The following ZAN variants were observed in gnomAD, a reference collection of about 807,000 sequenced individuals.
ZAN encodes zonadhesin (gene/pseudogene).
In ZAN, 260 loss-of-function variants were observed where a neutral mutation model predicts 286.2. That is an observed-to-expected ratio of 0.91 (90% CI 0.82 to 1.01). The LOEUF (loss-of-function observed/expected upper bound fraction) is 1.01. Among genes scored for constraint, ZAN ranks in the 50% least tolerant of loss-of-function variants. The pLI is 0.00. For synonymous variants in ZAN, 1,368 were observed against 1,417.5 expected, an observed-to-expected ratio of 0.97 and a Z score of 0.79; for missense variants, 3,410 against 3,639.2, an observed-to-expected ratio of 0.94 and a Z score of 1.62.
chr7:100,738,552 G>C lies in ZAN; in HGVS notation c.705G>C (p.Gln235His). The change falls in exon 7 of 48, where the codon CAG becomes CAC. Residue 235 changes from glutamine (Q) to histidine (H), a missense_variant. Physicochemically the swap from Gln to His is conservative, Grantham distance 24 (BLOSUM62 0). Transcript: ENST00000613979. ...IPTASGAKWTQKKGSSGKPGV... is the reference protein window; with the variant it reads ...IPTASGAKWTHKKGSSGKPGV... Reference sequence around the variant, plus strand: ...CTGCCTCCGGGGCCAAGTGGACTCAGAAGAAAGGGTCATCAGGAAAGCCAG... The same window carrying C: ...CTGCCTCCGGGGCCAAGTGGACTCACAAGAAAGGGTCATCAGGAAAGCCAG... 2.0e-6 allele frequency: 3 copies of C among 1,514,862 alleles called. No homozygotes were observed. The highest frequency in any genetic ancestry group is 2.7e-6 in the Non-Finnish European group (3 of 1,103,432). The allele number at this position is 1,514,862 out of a possible 1,614,324, so 93.8% of individuals were successfully genotyped here.
At chr7:100,745,341 C>T (rs534759707) in intron 7 of ZAN, among the ~76,000 whole-genome samples, 2 of 151,814 alleles carry the variant, frequency 1.3e-5, no homozygotes, top group East Asian at 1.9e-4. Context: ...GGAGTGAGCG[C>T]GCGCCAGGCA....
intron 28 of ZAN, 72 bp from the exon 29 acceptor site, chr7:100,771,772 C>T: frequency 6.7e-7 from 1 of 1,494,132 alleles, no homozygotes; most frequent in Non-Finnish European, 9.1e-7. Flanking sequence ...TCGAATCAGC[C>T]CCAGGGAAGC....
chr7:100,767,763 C>A, intron 25 of ZAN, 68 bp from the exon 26 acceptor site: 1 of 1,528,284 alleles, frequency 6.5e-7, no homozygotes, highest in Non-Finnish European at 8.8e-7. Context: ...CAGGCATGAG[C>A]CCCCGTCCTT....
rs763332345 is a variant in ZAN, at chr7:100,751,835, C to G, written c.1730C>G (p.Pro577Arg). ...AAACCTACAGTTTCCATAGAAAAAC[C>G]CAGTGTCACCACAGAAAAGCCCACA... is the stretch of plus-strand genomic sequence containing the variant. Reference protein sequence around the residue: ...TKKPTVSIEKPSVTTEKPTVP... With the variant: ...TKKPTVSIEKRSVTTEKPTVP... Residue 577 changes from proline (P) to arginine (R), a missense_variant, in exon 14 of 48, where the codon CCC becomes CGC. Physicochemically the swap from Pro to Arg is moderately radical, Grantham distance 103. Around this residue, in one of 7 missense-constraint regions of ZAN, gnomAD observed 872 missense variants for 938.9 expected, o/e 0.93. Transcript: ENST00000613979. The G allele has an allele frequency of 1.2e-5, 19 of 1,613,686 alleles. No individual in the cohort carries two copies. The highest frequency in any genetic ancestry group is 1.5e-5 in the Non-Finnish European group (18 of 1,179,828).
chr7:100,747,637 T>C lies in ZAN; in HGVS notation c.1019T>C (p.Ile340Thr), dbSNP rs967928016. ...GTCAATTACACAGCCGTGGGACGGATACAGGTACAGAGAAGCAAGGGGTCA... is the reference window on the plus strand; with the variant it reads ...GTCAATTACACAGCCGTGGGACGGACACAGGTACAGAGAAGCAAGGGGTCA... ...VSVNYTAVGR[I>T]QFAVVGVFGK... Residue 340 changes from isoleucine to threonine, a missense_variant, in exon 9 of 48, where the codon ATA becomes ACA. By Grantham distance (89) the Ile-to-Thr change is moderately conservative. Transcript: ENST00000613979. The C allele has an allele frequency of 3.7e-6, 6 of 1,613,630 alleles. No homozygotes were observed. The highest frequency in any genetic ancestry group is 2.7e-5 in the African/African-American group (2 of 74,992).
intron 6 of ZAN, among the ~76,000 whole-genome samples, chr7:100,738,149 G>T (rs1807444164): frequency 7.2e-6 from 1 of 139,554 alleles, no homozygotes; most frequent in Admixed American, 7.2e-5. Flanking sequence ...TAGAGCCGGG[G>T]TTTCATTGTG....
Position 100,763,978 on chromosome 7 carries a change from G to A in ZAN, c.4098-49G>A. On this transcript the variant is annotated intron_variant, in intron 21 of 47. Transcript: ENST00000613979. This position sits in a 1 kb window ranked among gnomAD's most constrained non-coding sequence, Gnocchi z 4.6. ...TGCTTGGCACCTGGGCTCCTCCAAG[G>A]CTCTACCCCCTTCCACTGCATTCCC... 1 of 1,613,708 alleles carries A rather than the reference G, an allele frequency of 6.2e-7. No individual in the cohort carries two copies. Among genetic ancestry groups the A allele is most frequent in the Non-Finnish European group, 8.5e-7 (1 of 1,179,752 alleles).
chr7:100,749,597 G>A lies in ZAN; in HGVS notation c.1250-1028G>A, dbSNP rs558326368. On this transcript the variant is annotated intron_variant, in intron 11 of 47. Coordinates refer to ENST00000613979, the MANE Select transcript of ZAN (RefSeq NM_003386.3). ...AGAGCTTGCAGTGAGCCGAGATCACGCCATTGTACTCCAGCCTGGGTGACA... is the reference window on the plus strand; with the variant it reads ...AGAGCTTGCAGTGAGCCGAGATCACACCATTGTACTCCAGCCTGGGTGACA... Among the ~76,000 whole-genome samples, 68 of 143,814 alleles carry A rather than the reference G, an allele frequency of 4.7e-4. 1 individual carries two copies. The South Asian group carries it at 0.012, about 26-fold the overall frequency. 94.3% of individuals were successfully genotyped at this position (143,814 alleles called of 152,430 possible).
rs772150529 is a variant in ZAN, at chr7:100,777,304, C to T, written c.6317+740C>T. On this transcript the variant is annotated intron_variant, in intron 34 of 47. Coordinates refer to ENST00000613979, the MANE Select transcript of ZAN (RefSeq NM_003386.3). ...AGGCAATGTGGCCGCCTTGGCCTCC[C>T]GAAGTGCTGGGTAATCATGAGCGAC... Among the ~76,000 whole-genome samples, 122 of 152,116 alleles carry T rather than the reference C, an allele frequency of 8.0e-4. 1 individual carries two copies. The highest frequency in any genetic ancestry group is 2.9e-3 in the South Asian group (14 of 4,824).
In ZAN at chr7:100,758,577, C is replaced by T. The variant is rs1809323340; in HGVS notation, c.3498C>T (p.Thr1166=). 1 of 1,566,454 alleles carries T rather than the reference C, an allele frequency of 6.4e-7. No homozygotes were observed. Residue 1166 remains threonine (T), a synonymous_variant, in exon 17 of 48, where the codon ACC becomes ACT. Coordinates refer to ENST00000613979, the MANE Select transcript of ZAN (RefSeq NM_003386.3). The part of the protein sequence containing the change: ...CLVYGDPHYV[T]FDGRHFGFMG... Reference sequence around the variant, plus strand: ...TCTACGGAGACCCTCATTATGTCACCTTTGACGGGAGGCACTTTGGCTTCA... The same window carrying T: ...TCTACGGAGACCCTCATTATGTCACTTTTGACGGGAGGCACTTTGGCTTCA...
intron 23 of ZAN, 21 bp from the exon 24 acceptor site, chr7:100,766,504 C>T (rs1809981103): frequency 6.5e-7 from 1 of 1,539,852 alleles, no homozygotes; most frequent in East Asian, 2.5e-5. Context: ...CTTTCTCTTC[C>T]TTCCCTGCTG....
intron 19 of ZAN, among the ~76,000 whole-genome samples, chr7:100,761,353 A>G (rs1259783656): frequency 3.3e-5 from 5 of 152,018 alleles, no homozygotes; most frequent in African/African-American, 1.2e-4. Flanking sequence ...AAAAATTTAA[A>G]TATTAGCCAG....
intron 36 of ZAN, among the ~76,000 whole-genome samples, chr7:100,785,750 C>T (rs1159878019): frequency 1.3e-5 from 2 of 151,890 alleles, no homozygotes. Flanking sequence ...CCTCTGCCTC[C>T]TGGGTTCAAG....
chr7:100,782,523 G>C (rs1162798348), intron 35 of ZAN, among the ~76,000 whole-genome samples: 1 of 152,078 alleles, frequency 6.6e-6, no homozygotes, highest in Non-Finnish European at 1.5e-5. Context: ...TAGAGATGGG[G>C]TTTCACCATG....
intron 17 of ZAN, among the ~76,000 whole-genome samples, chr7:100,759,406 G>A (rs749930378): frequency 3.9e-5 from 6 of 151,906 alleles, no homozygotes; most frequent in Non-Finnish European, 7.4e-5. Flanking sequence ...ATCTTGTCTC[G>A]AAAAATAAAT....
At chr7:100,791,835 C>G (rs1184803593) in intron 40 of ZAN, 131 bp from the exon 41 acceptor site, 3 of 1,126,380 alleles carry the variant, frequency 2.7e-6, no homozygotes, top group East Asian at 5.3e-5. Flanking sequence ...TCAAGTCATC[C>G]TCCTGCCTCA....
intron 36 of ZAN, 72 bp downstream of exon 36, chr7:100,784,906 C>T (rs1231011069): frequency 1.4e-6 from 2 of 1,443,292 alleles, no homozygotes; most frequent in Middle Eastern, 3.6e-4. Context: ...TTCTCTGCCT[C>T]TCTCAGCCTG....
chr7:100,791,383 CCTCCTCCTT>C (rs1562958077), intron 40 of ZAN, among the ~76,000 whole-genome samples: 1 of 151,912 alleles, frequency 6.6e-6, no homozygotes, highest in Non-Finnish European at 1.5e-5. Context: ...TCCTCCTCTT[CCTCCTCCTT>C]CTCCTCCTCC....
At chr7:100,782,549 T>G (rs181821133) in intron 35 of ZAN, among the ~76,000 whole-genome samples, 268 of 152,290 alleles carry the variant, frequency 1.8e-3, no homozygotes, top group African/African-American at 6.1e-3. Context: ...CAGGCTGGTC[T>G]CAAACTCCTG....
Sources: gnomAD v4.1 joint callset for allele counts (sites outside exome capture counted in the v4.1 genomes callset) on GRCh38, gnomAD v4.1.1 for gene constraint, gnomAD v4.1.1 regional missense constraint, Gnocchi (gnomAD v3.1) non-coding constraint, MANE v1.5 for transcripts, NCBI Gene and HGNC (gene_info 2026-07-23, HGNC 2026-07-21) for gene names.